ATP10A: variants seen among roughly 807,000 people sequenced by gnomAD.
ATP10A encodes ATPase phospholipid transporting 10A (putative).
In ATP10A, 111 loss-of-function variants were observed where a neutral mutation model predicts 147.8. That is an observed-to-expected ratio of 0.75 (90% CI 0.64 to 0.88). The LOEUF (loss-of-function observed/expected upper bound fraction) is 0.88, where lower values mean the gene tolerates loss of function less well. Ranked by LOEUF, ATP10A falls within the 40% of genes least tolerant of loss-of-function variation. The probability of loss-of-function intolerance (pLI) is 0.00; values close to 1 mark genes in which losing one functional copy is unlikely to be tolerated. For synonymous variants in ATP10A, 875 were observed against 841.6 expected (o/e 1.04, Z -0.69); for missense variants, 1,927 against 1,959.0 (o/e 0.98, Z 0.31).
At chr15:25,706,399 G>A (rs1901018332) in intron 12 of ATP10A, among the ~76,000 whole-genome samples, 2 of 152,164 alleles carry the variant, frequency 1.3e-5, no homozygotes, top group Non-Finnish European at 2.9e-5. Flanking sequence ...AGTGCCCCCC[G>A]TCATCCCTTC....
At chr15:25,747,420 T>A (rs902068087) in intron 2 of ATP10A, among the ~76,000 whole-genome samples, 1 of 151,820 alleles carries the variant, frequency 6.6e-6, no homozygotes, top group African/African-American at 2.4e-5. Context: ...GAGAAATTAA[T>A]GAGCTAGGCA....
At chr15:25,718,035 G>T in intron 8 of ATP10A, 147 bp downstream of exon 8, 2 of 789,782 alleles carry the variant, frequency 2.5e-6, no homozygotes, top group Non-Finnish European at 4.0e-6. Context: ...AGAAAGTGTT[G>T]GCCAGAAAAG....
downstream of ATP10A, among the ~76,000 whole-genome samples, chr15:25,675,030 A>G (rs931601151): frequency 4.6e-5 from 7 of 152,234 alleles, no homozygotes; most frequent in Non-Finnish European, 8.8e-5. Flanking sequence ...GAAAACCTTA[A>G]GAGCCGGCCG....
chr15:25,784,971 T>C (rs1890090618), intron 1 of ATP10A, among the ~76,000 whole-genome samples: 2 of 150,176 alleles, frequency 1.3e-5, no homozygotes, highest in African/African-American at 4.9e-5. Context: ...TGGGAATCCC[T>C]ACCAGGGACA....
intron 2 of ATP10A, among the ~76,000 whole-genome samples, chr15:25,768,683 ATTTTTTTTTTTT>A (rs143608940): frequency 1.1e-5 from 1 of 89,626 alleles, no homozygotes; most frequent in Non-Finnish European, 2.1e-5. Context: ...AGCTGGGCTA[ATTTTTTTTTTTT>A]TTTTTTTTTT....
intron 1 of ATP10A, among the ~76,000 whole-genome samples, chr15:25,816,193 T>C (rs1044764116): frequency 6.6e-6 from 1 of 151,212 alleles, no homozygotes; most frequent in South Asian, 2.1e-4. Context: ...ATAAGTGAAA[T>C]GAAAGATCTT....
At position 25,680,868 on chromosome 15, in the gene ATP10A, A is replaced by G. The variant is rs760276010; in HGVS notation, c.3620T>C (p.Ile1207Thr). 3.1e-6 allele frequency: 5 copies of G among 1,614,008 alleles called. No homozygotes were observed. In the East Asian group the frequency reaches 6.7e-5, roughly 22 times the overall value. The change falls in exon 19 of 21, where the codon ATT becomes ACT. Residue 1207 changes from isoleucine to threonine, a missense_variant. Ile to Thr is a moderately conservative substitution (Grantham distance 89). Transcript: ENST00000555815. ...NVDLFTWGTP[I>T]VTIALLTFLL... ...GAAAGTGAGCAGCGCGATTGTCACA[A>G]TAGGGGTCCCCCAGGTAAACAGGTC...
chr15:25,688,185 T>C (rs1425213868), intron 15 of ATP10A, among the ~76,000 whole-genome samples: 1 of 152,208 alleles, frequency 6.6e-6, no homozygotes, highest in Non-Finnish European at 1.5e-5. Context: ...TTGCCCCGGA[T>C]GTCATTTTCC....
chr15:25,672,410 T>C (rs1899063158), downstream of ATP10A, among the ~76,000 whole-genome samples: 1 of 152,260 alleles, frequency 6.6e-6, no homozygotes, highest in South Asian at 2.1e-4. Flanking sequence ...GGGCTATGTT[T>C]ATCTGTTGGC....
chr15:25,755,602 G>A (rs1456330231), intron 2 of ATP10A, among the ~76,000 whole-genome samples: 2 of 152,096 alleles, frequency 1.3e-5, no homozygotes, highest in Non-Finnish European at 2.9e-5. Context: ...CTAGAAAAGG[G>A]GCTGTCTCAA....
intron 5 of ATP10A, among the ~76,000 whole-genome samples, chr15:25,724,603 A>T (rs1567334505): frequency 6.6e-6 from 1 of 152,180 alleles, no homozygotes; most frequent in Non-Finnish European, 1.5e-5. Context: ...CCCTACATGG[A>T]ACCTAACTGC....
intron 1 of ATP10A, among the ~76,000 whole-genome samples, chr15:25,860,642 T>G (rs11161245): frequency 3.3e-5 from 5 of 151,574 alleles, no homozygotes; most frequent in African/African-American, 4.8e-5. Context: ...AGTTAAGATA[T>G]CTGGAGTCAA....
chr15:25,726,546 A>T (rs1214763747), intron 4 of ATP10A, among the ~76,000 whole-genome samples: 1 of 151,314 alleles, frequency 6.6e-6, no homozygotes, highest in African/African-American at 2.4e-5. Context: ...GGTTCAAGAG[A>T]TTCTCCTGCC....
At chr15:25,730,481 T>G (rs1373464058) in intron 3 of ATP10A, among the ~76,000 whole-genome samples, 2 of 152,072 alleles carry the variant, frequency 1.3e-5, no homozygotes, top group Non-Finnish European at 2.9e-5. Context: ...GGGCCACTCT[T>G]CCCCATGGGG....
In ATP10A at chr15:25,682,053, T is replaced by TA. The variant is rs5811392; in HGVS notation, c.3493-980dup. ...TGGGTGACAGAGCGAGACCTTGTCT[T>TA]AAAAAAAAAAAAAAAAAAAAAAAGA... is the stretch of plus-strand genomic sequence containing the variant. On this transcript the variant is annotated intron_variant, in intron 17 of 20. Transcript: ENST00000555815. Among the ~76,000 whole-genome samples, 550 of 127,132 alleles carry TA rather than the reference T, an allele frequency of 4.3e-3. 1 individual carries two copies. Among genetic ancestry groups the TA allele is most frequent in the Admixed American group, 5.7e-3 (71 of 12,352 alleles). The allele number at this position is 127,132 out of a possible 152,430, so 83.4% of individuals were successfully genotyped here. A position where few individuals can be genotyped will look rare whatever the true frequency, so the allele number is the denominator to read the frequency against.
In ATP10A at chr15:25,714,248, G is replaced by C; in HGVS notation, c.1777-7C>G. On this transcript the variant is annotated splice_region_variant and splice_polypyrimidine_tract_variant and intron_variant, in intron 9 of 20. Coordinates refer to ENST00000555815, the MANE Select transcript of ATP10A (RefSeq NM_024490.4). ...GCTCAAACCTCACCCTCACCTGCAA[G>C]AGAAATGGTCAGAAGGCAGGTGAGG... The C allele has an allele frequency of 6.3e-7, 1 of 1,598,798 alleles. No individual in the cohort carries two copies. The highest frequency in any genetic ancestry group is 8.5e-7 in the Non-Finnish European group (1 of 1,179,842).
At chr15:25,828,104 A>G (rs1360831133) in intron 1 of ATP10A, among the ~76,000 whole-genome samples, 3 of 152,228 alleles carry the variant, frequency 2.0e-5, no homozygotes, top group African/African-American at 7.2e-5. Context: ...AGAAGGCCAT[A>G]ACAATTATAA....
At chr15:25,760,552 G>A (rs1467316484) in intron 2 of ATP10A, among the ~76,000 whole-genome samples, 1 of 152,148 alleles carries the variant, frequency 6.6e-6, no homozygotes, top group East Asian at 1.9e-4. Flanking sequence ...TTCATGGAAA[G>A]AATGGAAAGA....
intron 3 of ATP10A, among the ~76,000 whole-genome samples, chr15:25,732,794 A>G (rs541521456): frequency 7.8e-4 from 119 of 151,848 alleles, no homozygotes; most frequent in Non-Finnish European, 1.3e-3. Flanking sequence ...TGACCTCATG[A>G]TCTGCCCGCC....
Sources: allele counts gnomAD v4.1 joint callset (sites outside exome capture counted in the v4.1 genomes callset), GRCh38; gene constraint gnomAD v4.1.1; transcripts MANE v1.5; gene names NCBI Gene and HGNC (gene_info 2026-07-23, HGNC 2026-07-21).